Variants in CTNNA2 observed in about 807,000 individuals in gnomAD.
CTNNA2 encodes the protein catenin alpha-2.
In CTNNA2, 42 loss-of-function variants were observed where a neutral mutation model predicts 101.0. The observed-to-expected ratio is 0.42, with a 90% CI of 0.32 to 0.54. The LOEUF (loss-of-function observed/expected upper bound fraction) is 0.54. CTNNA2 is among the 20% of genes least tolerant of loss of function. CTNNA2 has a pLI of 0.14. For missense variants in CTNNA2, 871 were observed against 1,223.1 expected, an observed-to-expected ratio of 0.71 and a Z score of 4.29; for synonymous variants, 450 against 456.4, an observed-to-expected ratio of 0.99 and a Z score of 0.18.
At chr2:79,780,852 A>G (rs1447462153) in intron 3 of CTNNA2, among the ~76,000 whole-genome samples, 1 of 152,220 alleles carries the variant, frequency 6.6e-6, no homozygotes, top group African/African-American at 2.4e-5. Flanking sequence ...AGCATTCAAT[A>G]TAGAGAAGAA....
At chr2:80,365,458 A>T (rs908425431) in intron 7 of CTNNA2, among the ~76,000 whole-genome samples, 3 of 151,990 alleles carry the variant, frequency 2.0e-5, no homozygotes, top group Non-Finnish European at 4.4e-5. Flanking sequence ...TTTTTACATG[A>T]TTTTTTAAAA....
intron 7 of CTNNA2, among the ~76,000 whole-genome samples, chr2:80,093,763 G>A (rs1169060380): frequency 8.5e-5 from 13 of 152,190 alleles, no homozygotes; most frequent in Non-Finnish European, 1.5e-5. Context: ...CAGTGATGAT[G>A]AGCATTTTTT....
At chr2:80,391,866 G>C (rs1306408237) in intron 7 of CTNNA2, among the ~76,000 whole-genome samples, 1 of 152,210 alleles carries the variant, frequency 6.6e-6, no homozygotes, top group Non-Finnish European at 1.5e-5. Flanking sequence ...ACATCTGAAA[G>C]AGTGAGTGTG....
chr2:80,429,210 G>C (rs146007138), intron 9 of CTNNA2, among the ~76,000 whole-genome samples: 121 of 152,052 alleles, frequency 8.0e-4, no homozygotes, highest in African/African-American at 2.6e-3. Context: ...AAAGTTCAAG[G>C]CCCCCCCTTA....
In CTNNA2 at chr2:79,528,212, CT is replaced by C. The variant is rs778853547; in HGVS notation, c.-6+15015del. On this transcript the variant is annotated intron_variant, in intron 1 of 18. Transcript: ENST00000402739. ...ACACGTTCTCTTTTTCTTTTCTTTT[CT>C]TTTTTTTTTGGAGACACGGAGACAG... Among the ~76,000 whole-genome samples the C allele has an allele frequency of 2.2e-3, 172 of 77,356 alleles. 3 individuals are homozygous for C. The South Asian group carries it at 0.045, about 20-fold the overall frequency. 50.7% of individuals were successfully genotyped at this position (77,356 alleles called of 152,430 possible). A position where few individuals can be genotyped will look rare whatever the true frequency, so the allele number is the denominator to read the frequency against.
At chr2:80,108,572 A>G (rs951816975) in intron 7 of CTNNA2, among the ~76,000 whole-genome samples, 1 of 152,066 alleles carries the variant, frequency 6.6e-6, no homozygotes, top group Admixed American at 6.6e-5. Context: ...GGCAAATATT[A>G]TTGTTTCATC....
chr2:79,463,960 G>A (rs1381137366), intron 4 of CTNNA2, among the ~76,000 whole-genome samples: 3 of 149,814 alleles, frequency 2.0e-5, no homozygotes, highest in Non-Finnish European at 3.0e-5. Flanking sequence ...GTTATCATAA[G>A]ACAGCATGGC....
chr2:79,413,637 A>G lies in CTNNA2; in HGVS notation c.-135+39624A>G, dbSNP rs190633834. The stretch of plus-strand genomic sequence containing the variant: ...ATTTTTAATTTTTTGAGGAACTGTC[A>G]TACTGTTTAACATAATGATTATAGT... On this transcript the variant is annotated intron_variant, in intron 4 of 21. Transcript: ENST00000466387. Among the ~76,000 whole-genome samples the G allele has an allele frequency of 5.7e-4, 86 of 152,158 alleles. 1 individual carries two copies. The highest frequency in any genetic ancestry group is 1.1e-3 in the Non-Finnish European group (73 of 67,984).
chr2:80,464,157 A>G (rs1684670241), intron 9 of CTNNA2, among the ~76,000 whole-genome samples: 1 of 152,148 alleles, frequency 6.6e-6, no homozygotes, highest in Non-Finnish European at 1.5e-5. Flanking sequence ...AGTTGATCTT[A>G]TCCCAGCAGC....
intron 2 of CTNNA2, among the ~76,000 whole-genome samples, chr2:79,260,945 A>C (rs1316352896): frequency 6.6e-6 from 1 of 152,180 alleles, no homozygotes; most frequent in Non-Finnish European, 1.5e-5. Context: ...TGTAATGCCT[A>C]TAAGGACATG....
At chr2:80,613,048 A>T (rs931463858) in intron 17 of CTNNA2, 1 of 138,928 alleles carries the variant, frequency 7.2e-6, no homozygotes, top group Non-Finnish European at 1.6e-5. Context: ...GATGTTAGGC[A>T]TAGTGGAGAA....
chr2:79,326,611 A>C (rs1361656901), intron 3 of CTNNA2, among the ~76,000 whole-genome samples: 1 of 152,176 alleles, frequency 6.6e-6, no homozygotes, highest in East Asian at 1.9e-4. Flanking sequence ...AGGTACAAAA[A>C]TTAGACATGT....
chr2:79,676,195 A>G (rs1683172994), intron 2 of CTNNA2, among the ~76,000 whole-genome samples: 1 of 152,234 alleles, frequency 6.6e-6, no homozygotes, highest in African/African-American at 2.4e-5. Flanking sequence ...TAAATAAATA[A>G]ATATCTATAT....
At chr2:79,813,967 C>G (rs902980384) in intron 3 of CTNNA2, among the ~76,000 whole-genome samples, 3 of 152,076 alleles carry the variant, frequency 2.0e-5, no homozygotes, top group Admixed American at 1.3e-4. Context: ...TTTCTTGGCT[C>G]CTTGTGGTGG....
chr2:79,209,004 T>C (rs1674135448), intron 2 of CTNNA2, among the ~76,000 whole-genome samples: 1 of 152,000 alleles, frequency 6.6e-6, no homozygotes, highest in South Asian at 2.1e-4. Flanking sequence ...TAAATGTAGG[T>C]AGTGAATAAC....
rs377350765 is a variant in CTNNA2 at position 79,811,214 on chromosome 2, G to A, written c.299-46799G>A. 2.7e-3 allele frequency among the ~76,000 whole-genome samples: 408 copies of A among 152,032 alleles called. 1 individual carries two copies. Among genetic ancestry groups the A allele is most frequent in the African/African-American group, 9.5e-3 (395 of 41,436 alleles). ...GTTGTTTCCTGACTTTTTAATGATC[G>A]CCATTCTAACTGGTGTGAGATGGTA... On this transcript the variant is annotated intron_variant, in intron 3 of 18. Transcript: ENST00000402739.
At chr2:79,895,881 T>C (rs534954541) in intron 6 of CTNNA2, among the ~76,000 whole-genome samples, 8 of 152,280 alleles carry the variant, frequency 5.3e-5, no homozygotes, top group African/African-American at 1.9e-4. Context: ...TCTATTTTGG[T>C]CCACAGACCA....
At chr2:80,133,924 C>G (rs1047925988) in intron 7 of CTNNA2, among the ~76,000 whole-genome samples, 4 of 152,032 alleles carry the variant, frequency 2.6e-5, no homozygotes, top group African/African-American at 9.7e-5. Context: ...ACTCTGTGAC[C>G]CCTGTTCCTC....
intron 6 of CTNNA2, among the ~76,000 whole-genome samples, chr2:79,901,029 A>G (rs1270394780): frequency 6.6e-6 from 1 of 152,216 alleles, no homozygotes; most frequent in Admixed American, 6.5e-5. Context: ...CAGAAAGTGA[A>G]GACATGGGTA....
Sources: gnomAD v4.1 joint callset for allele counts (sites outside exome capture counted in the v4.1 genomes callset) on GRCh38, gnomAD v4.1.1 for gene constraint, MANE v1.5 for transcripts, NCBI Gene and HGNC (gene_info 2026-07-23, HGNC 2026-07-21) for gene names.